Variants in AIM2 observed in about 807,000 individuals in gnomAD.
AIM2 encodes the protein absent in melanoma 2.
A neutral mutation model predicts 27.7 loss-of-function variants in AIM2; 30 were observed. The ratio of observed to expected loss-of-function variants is 1.08; its 90% CI spans 0.81 to 1.47. AIM2 has a LOEUF of 1.47. Among genes scored for constraint, AIM2 ranks in the 40% most tolerant of loss-of-function variants. The pLI, the probability that AIM2 is intolerant of heterozygous loss-of-function variation, is 0.00. For missense variants in AIM2, 358 were observed against 411.3 expected (o/e 0.87, Z 1.12); for synonymous variants, 141 against 145.3 (o/e 0.97, Z 0.21).
chr1:159,128,581 G>A (rs538585108), intron 1 of AIM2, among the ~76,000 whole-genome samples: 3 of 152,158 alleles, frequency 2.0e-5, no homozygotes, highest in African/African-American at 7.2e-5. Flanking sequence ...GGCCTTCCAT[G>A]GAAAGCCACT....
At chr1:159,080,197 G>A (rs1656743086), upstream of AIM2, among the ~76,000 whole-genome samples, 4 of 152,152 alleles carry the variant, frequency 2.6e-5, no homozygotes, top group Admixed American at 2.6e-4. Flanking sequence ...TAAATATCAA[G>A]GAATGCAATT....
chr1:159,109,103 G>T (rs1367201010), intron 1 of AIM2, among the ~76,000 whole-genome samples: 1 of 151,986 alleles, frequency 6.6e-6, no homozygotes. Context: ...TAAGCAAAAA[G>T]AACAAATATG....
intron 1 of AIM2, among the ~76,000 whole-genome samples, chr1:159,114,088 C>T (rs1023816591): frequency 2.0e-5 from 3 of 152,160 alleles, no homozygotes; most frequent in Non-Finnish European, 4.4e-5. Flanking sequence ...GAAATGAAAG[C>T]AAAGAGCTCT....
chr1:159,062,554 A>G lies in AIM2; in HGVS notation c.*138T>C. The G allele has an allele frequency of 1.4e-6, 1 of 723,574 alleles. No homozygotes were observed. The highest frequency in any genetic ancestry group is 2.4e-6 in the Non-Finnish European group (1 of 421,538). 44.8% of individuals were successfully genotyped at this position (723,574 alleles called of 1,614,324 possible). ...AATTTGTTTATCCAGCAATTATTCTATCCTAATTTGGTGGAGAGAGGAGCC... is the reference window on the plus strand; with the variant it reads ...AATTTGTTTATCCAGCAATTATTCTGTCCTAATTTGGTGGAGAGAGGAGCC... On this transcript the variant is annotated 3_prime_UTR_variant, in exon 6 of 6. Transcript: ENST00000368130.
At position 159,084,725 on chromosome 1, in the gene AIM2, T is replaced by A. The variant is rs181394817; in HGVS notation, c.-15-18396A>T. Among the ~76,000 whole-genome samples, 15 of 150,030 alleles carry A rather than the reference T, an allele frequency of 1.0e-4. No homozygotes were observed. In the East Asian group the frequency reaches 2.8e-3, roughly 28 times the overall value. ...AGGAGTTTGAGGCTGCAGTGAGTGGTGATCAAACCACTGCACTCCAGCCTG... is the reference window on the plus strand; with the variant it reads ...AGGAGTTTGAGGCTGCAGTGAGTGGAGATCAAACCACTGCACTCCAGCCTG... On this transcript the variant is annotated intron_variant, in intron 1 of 2. Transcript: ENST00000368129.
intron 2 of AIM2, among the ~76,000 whole-genome samples, chr1:159,072,662 T>C (rs1478947371): frequency 6.6e-6 from 1 of 152,212 alleles, no homozygotes; most frequent in Non-Finnish European, 1.5e-5. Context: ...TCACCTGTAC[T>C]GGAGATAGAG....
At chr1:159,118,344 A>G (rs376996026) in intron 1 of AIM2, among the ~76,000 whole-genome samples, 1 of 152,194 alleles carries the variant, frequency 6.6e-6, no homozygotes. Flanking sequence ...GATTTGCTGT[A>G]CAGCATTGTT....
intron 1 of AIM2, among the ~76,000 whole-genome samples, chr1:159,075,108 GAACTAAT>G (rs879440115): frequency 5.9e-5 from 9 of 152,136 alleles, no homozygotes; most frequent in Admixed American, 1.3e-4. Flanking sequence ...AGAAAAAAAT[GAACTAAT>G]AAATAGAGTG....
intron 1 of AIM2, among the ~76,000 whole-genome samples, chr1:159,115,287 C>T (rs1305932535): frequency 6.6e-6 from 1 of 152,124 alleles, no homozygotes; most frequent in African/African-American, 2.4e-5. Flanking sequence ...CAATGCCATC[C>T]CCATCAAGCT....
chr1:159,126,038 G>A (rs1303785544), intron 1 of AIM2, among the ~76,000 whole-genome samples: 1 of 152,150 alleles, frequency 6.6e-6, no homozygotes, highest in Non-Finnish European at 1.5e-5. Flanking sequence ...ATTGCTTGAT[G>A]GCCATTCTAG....
rs965834127 is a variant in AIM2 at position 159,133,074 on chromosome 1, G to C, written c.-16+7357C>G. 3.3e-5 allele frequency among the ~76,000 whole-genome samples: 5 copies of C among 152,264 alleles called. No homozygotes were observed. In the East Asian group the frequency reaches 9.6e-4, roughly 29 times the overall value. ...CTTTCCTTCCAAGGGTCACGGAGGA[G>C]CTGGCCCTCCAGCTACCCACTGCTA... is the stretch of plus-strand genomic sequence containing the variant. On this transcript the variant is annotated intron_variant, in intron 1 of 2. Transcript: ENST00000368129.
intron 1 of AIM2, among the ~76,000 whole-genome samples, chr1:159,090,270 A>G (rs1216631506): frequency 1.3e-5 from 2 of 152,222 alleles, no homozygotes; most frequent in Non-Finnish European, 2.9e-5. Context: ...CCAACATAAG[A>G]CAACATTCAA....
At chr1:159,143,579 TGTACACAC>T (rs1648150919), upstream of AIM2, among the ~76,000 whole-genome samples, 2 of 105,578 alleles carry the variant, frequency 1.9e-5, no homozygotes, top group Admixed American at 1.2e-4. Flanking sequence ...AGGCTCAGTG[TGTACACAC>T]ACACACACAC....
At chr1:159,085,516 C>T (rs1656887671) in intron 1 of AIM2, among the ~76,000 whole-genome samples, 2 of 152,058 alleles carry the variant, frequency 1.3e-5, no homozygotes, top group South Asian at 4.1e-4. Flanking sequence ...GGAGGTGTTG[C>T]GTTTGAGGTG....
downstream of AIM2, among the ~76,000 whole-genome samples, chr1:159,060,035 A>G (rs558494032): frequency 6.6e-6 from 1 of 152,188 alleles, no homozygotes; most frequent in Non-Finnish European, 1.5e-5. Flanking sequence ...TTTACAGACC[A>G]GTTTGTATCA....
intron 1 of AIM2, chr1:159,140,406 T>A (rs1648088703): frequency 6.6e-6 from 1 of 151,598 alleles, no homozygotes; most frequent in African/African-American, 2.4e-5. Context: ...AGGGTCCTCC[T>A]ATCTACACTG....
intron 2 of AIM2, among the ~76,000 whole-genome samples, chr1:159,072,802 G>A (rs560528351): frequency 1.3e-5 from 2 of 152,052 alleles, no homozygotes; most frequent in South Asian, 4.1e-4. Context: ...CTGTGTGAAG[G>A]AAAAAAGGTG....
chr1:159,062,774 A>G, intron 5 of AIM2, 56 bp from the exon 6 acceptor site: 1 of 1,534,536 alleles, frequency 6.5e-7, no homozygotes, highest in Non-Finnish European at 9.0e-7. Flanking sequence ...TGGCCCCTCC[A>G]CTGTTTGCAG....
chr1:159,112,346 T>C (rs574776489), intron 1 of AIM2, among the ~76,000 whole-genome samples: 2 of 152,210 alleles, frequency 1.3e-5, no homozygotes, highest in Non-Finnish European at 2.9e-5. Flanking sequence ...AGCATTTCTA[T>C]GCAATGATTA....
Sources: gnomAD v4.1 joint callset for allele counts (sites outside exome capture counted in the v4.1 genomes callset) on GRCh38, gnomAD v4.1.1 for gene constraint, MANE v1.5 for transcripts, NCBI Gene and HGNC (gene_info 2026-07-23, HGNC 2026-07-21) for gene names.